The following CDC37 variants were observed in gnomAD, a reference collection of about 807,000 sequenced individuals.
CDC37 encodes the protein cell division cycle 37, HSP90 cochaperone.
In CDC37, 9 loss-of-function variants were observed where a neutral mutation model predicts 46.9. That is an observed-to-expected ratio of 0.19 (90% CI 0.12 to 0.33). The LOEUF is 0.33. Ranked by LOEUF, CDC37 falls within the 10% of genes least tolerant of loss-of-function variation. CDC37 has a pLI of 1.00. For synonymous variants in CDC37, 193 were observed against 191.0 expected, an observed-to-expected ratio of 1.01 and a Z score of -0.09; for missense variants, 388 against 514.6, an observed-to-expected ratio of 0.75 and a Z score of 2.38.
intron 1 of CDC37, among the ~76,000 whole-genome samples, chr19:10,401,022 C>T (rs1255723612): frequency 6.6e-6 from 1 of 152,192 alleles, no homozygotes; most frequent in South Asian, 2.1e-4. Flanking sequence ...CTGGCAGTCA[C>T]GCAGCACGTG....
In CDC37 at chr19:10,396,265, C is replaced by T; in HGVS notation, c.103-62G>A. On this transcript the variant is annotated intron_variant, in intron 1 of 7. Coordinates refer to ENST00000222005, the MANE Select transcript of CDC37 (RefSeq NM_007065.4). The surrounding 1 kb of genome is among the most constrained non-coding windows in gnomAD (Gnocchi z 5.9). ...GTCTGTCCCTTACCCCCGCCCCATA[C>T]CCAATCCCTGCACCGGAGATGGCCC... 6.5e-7 allele frequency: 1 copy of T among 1,538,746 alleles called. No homozygotes were observed. Among genetic ancestry groups the T allele is most frequent in the Non-Finnish European group, 8.8e-7 (1 of 1,135,846 alleles).
rs2042468704 is a variant in CDC37 at position 10,393,313 on chromosome 19, C to T, written c.855G>A (p.Lys285=). 6.2e-7 allele frequency: 1 copy of T among 1,613,808 alleles called. No individual in the cohort carries two copies. Among genetic ancestry groups the T allele is most frequent in the Non-Finnish European group, 8.5e-7 (1 of 1,179,942 alleles). ...MKEYEEEERK[K]RLGPGGLDPV... ...GGTCCAGGCCGCCGGGGCCGAGCCGCTTCTTGCGCTCCTCCTCCTCGTACT... is the reference window on the plus strand; with the variant it reads ...GGTCCAGGCCGCCGGGGCCGAGCCGTTTCTTGCGCTCCTCCTCCTCGTACT... Residue 285 remains lysine (K), a synonymous_variant, in exon 6 of 8, where the codon AAG becomes AAA. Coordinates refer to ENST00000222005, the MANE Select transcript of CDC37 (RefSeq NM_007065.4). This position sits in a 1 kb window ranked among gnomAD's most constrained non-coding sequence, Gnocchi z 4.9.
At chr19:10,394,817 C>A (rs770499599) in intron 5 of CDC37, among the ~76,000 whole-genome samples, 2 of 151,566 alleles carry the variant, frequency 1.3e-5, no homozygotes, top group Non-Finnish European at 2.9e-5. Flanking sequence ...CAGGCGTGAG[C>A]CACTGCGCCC....
At chr19:10,397,383 G>A (rs1270026548) in intron 1 of CDC37, among the ~76,000 whole-genome samples, 1 of 149,858 alleles carries the variant, frequency 6.7e-6, no homozygotes, top group Non-Finnish European at 1.5e-5. Context: ...AAGTAGCTGG[G>A]ACTACAGGTG....
intron 1 of CDC37, among the ~76,000 whole-genome samples, chr19:10,402,712 G>C (rs2042526215): frequency 6.6e-6 from 1 of 152,190 alleles, no homozygotes; most frequent in Admixed American, 6.5e-5. Context: ...TAGATCCAGA[G>C]GGGAACCAGA....
chr19:10,397,599 G>A (rs537888114), intron 1 of CDC37, among the ~76,000 whole-genome samples: 5 of 151,874 alleles, frequency 3.3e-5, no homozygotes, highest in African/African-American at 9.7e-5. Flanking sequence ...TAATAGAGAC[G>A]GGGTTTCTCC....
In CDC37 at chr19:10,396,490, CT is replaced by C. The variant is rs1269853735; in HGVS notation, c.103-288del. Among the ~76,000 whole-genome samples the C allele has an allele frequency of 1.3e-5, 2 of 152,180 alleles. No homozygotes were observed. Among genetic ancestry groups the C allele is most frequent in the East Asian group, 1.9e-4 (1 of 5,198 alleles). ...TACACAATCTGCCTCGGCACCTCCCCTGGTAACTCTTCCTTCCAGCTACACC... is the reference window on the plus strand; with the variant it reads ...TACACAATCTGCCTCGGCACCTCCCCGGTAACTCTTCCTTCCAGCTACACC... On this transcript the variant is annotated intron_variant, in intron 1 of 7. Transcript: ENST00000222005. This position sits in a 1 kb window ranked among gnomAD's most constrained non-coding sequence, Gnocchi z 5.9.
rs535954295 is a variant in CDC37 at position 10,401,330 on chromosome 19, G to T, written c.102+2048C>A. On this transcript the variant is annotated intron_variant, in intron 1 of 7. Transcript: ENST00000222005. Reference sequence around the variant, plus strand: ...TCCTTGAACCTGTGCTGGAGACGCTGAAGCCCCCTGCCTCCCTTACATGCC... The same window carrying T: ...TCCTTGAACCTGTGCTGGAGACGCTTAAGCCCCCTGCCTCCCTTACATGCC... 2.0e-5 allele frequency among the ~76,000 whole-genome samples: 3 copies of T among 152,282 alleles called. No individual in the cohort carries two copies. The South Asian group carries it at 6.2e-4, about 32-fold the overall frequency.
chr19:10,392,942 G>T, intron 7 of CDC37, 144 bp downstream of exon 7: 1 of 690,276 alleles, frequency 1.4e-6, no homozygotes, highest in Non-Finnish European at 2.6e-6. Flanking sequence ...ATATGTGGGT[G>T]TGTGCCAAGG....
chr19:10,400,690 C>G (rs1408129674), intron 1 of CDC37: 3 of 150,816 alleles, frequency 2.0e-5, no homozygotes, highest in African/African-American at 7.3e-5. Context: ...AAGCAAGGCC[C>G]TGTCTCGAAA....
rs1309235711 is a variant in CDC37 at position 10,403,343 on chromosome 19, G to A, written c.102+35C>T. 6 of 1,517,042 alleles carry A rather than the reference G, an allele frequency of 4.0e-6. No individual in the cohort carries two copies. The East Asian group carries it at 9.0e-5, about 23-fold the overall frequency. The allele number at this position is 1,517,042 out of a possible 1,614,324, so 94.0% of individuals were successfully genotyped here. A position where few individuals can be genotyped will look rare whatever the true frequency, so the allele number is the denominator to read the frequency against. On this transcript the variant is annotated intron_variant, in intron 1 of 7. Transcript: ENST00000222005. ...GGATCACAACTCCGAAGCGGGGTCCGGGAGTGGGGAAAGGGATGGGCGCGC... is the reference window on the plus strand; with the variant it reads ...GGATCACAACTCCGAAGCGGGGTCCAGGAGTGGGGAAAGGGATGGGCGCGC...
intron 1 of CDC37, among the ~76,000 whole-genome samples, chr19:10,402,229 G>A (rs1267772304): frequency 1.3e-5 from 2 of 151,714 alleles, no homozygotes; most frequent in African/African-American, 4.8e-5. Context: ...CTCATTTGGG[G>A]TAGCAGGAGG....
At chr19:10,401,520 G>C (rs1041008766) in intron 1 of CDC37, among the ~76,000 whole-genome samples, 2 of 152,170 alleles carry the variant, frequency 1.3e-5, no homozygotes, top group African/African-American at 4.8e-5. Context: ...GACAGAAATA[G>C]GTCTTCCCAA....
At chr19:10,397,465 C>T (rs2042498446) in intron 1 of CDC37, among the ~76,000 whole-genome samples, 1 of 138,482 alleles carries the variant, frequency 7.2e-6, no homozygotes, top group African/African-American at 2.8e-5. Flanking sequence ...GGCTGGAGTG[C>T]AGTGGCGTGA....
chr19:10,399,463 G>GGAAAA (rs1297984577), intron 1 of CDC37, among the ~76,000 whole-genome samples: 1 of 38,172 alleles, frequency 2.6e-5, no homozygotes, highest in Non-Finnish European at 4.6e-5. Context: ...GACCCTGTCT[G>GGAAAA]AAAAAAAAAA....
At position 10,395,486 on chromosome 19, in the gene CDC37, G is replaced by T. The variant is rs760371359; in HGVS notation, c.436C>A (p.Gln146Lys). The change falls in exon 3 of 8, where the codon CAG becomes AAG. Residue 146 changes from glutamine (Q) to lysine (K), a missense_variant. Gln to Lys is a moderately conservative substitution (Grantham distance 53). Transcript: ENST00000222005. The stretch of plus-strand genomic sequence containing the variant: ...TTTTCCACGAAGGTCTTGTGTTTCT[G>T]CTCCCTCACCTCCTCTGAGTCCTCC... ...TEEDSEEVREQKHKTFVEKYE... is the reference protein window; with the variant it reads ...TEEDSEEVREKKHKTFVEKYE... The T allele has an allele frequency of 6.2e-7, 1 of 1,614,118 alleles. No homozygotes were observed. Among genetic ancestry groups the T allele is most frequent in the South Asian group, 1.1e-5 (1 of 91,084 alleles).
chr19:10,395,618 G>A (rs749604228), intron 2 of CDC37, 75 bp from the exon 3 acceptor site: 1 of 1,167,300 alleles, frequency 8.6e-7, no homozygotes, highest in Admixed American at 1.7e-5. Flanking sequence ...GCGGGCCGTG[G>A]TCGCAGCGCC....
In CDC37 at chr19:10,395,150, G is replaced by T. The variant is rs1286302564; in HGVS notation, c.604-7C>A. 6.2e-7 allele frequency: 1 copy of T among 1,603,918 alleles called. No homozygotes were observed. Among genetic ancestry groups the T allele is most frequent in the East Asian group, 2.2e-5 (1 of 44,622 alleles). On this transcript the variant is annotated splice_region_variant and splice_polypyrimidine_tract_variant and intron_variant, in intron 4 of 7. Transcript: ENST00000222005. Reference sequence around the variant, plus strand: ...GCTCCATGAGTGCACATTTCTGCCAGGAAGAACAGGCACAGCGTCACCAAG... The same window carrying T: ...GCTCCATGAGTGCACATTTCTGCCATGAAGAACAGGCACAGCGTCACCAAG...
chr19:10,401,828 A>G (rs1415771726), intron 1 of CDC37, among the ~76,000 whole-genome samples: 1 of 152,138 alleles, frequency 6.6e-6, no homozygotes, highest in African/African-American at 2.4e-5. Flanking sequence ...GATCCTCACT[A>G]GAAGGTTCTG....
Sources: gnomAD v4.1 joint callset for allele counts (sites outside exome capture counted in the v4.1 genomes callset) on GRCh38, gnomAD v4.1.1 for gene constraint, Gnocchi (gnomAD v3.1) non-coding constraint, MANE v1.5 for transcripts, NCBI Gene and HGNC (gene_info 2026-07-23, HGNC 2026-07-21) for gene names.